Variants in MDGA2 observed in about 807,000 individuals in gnomAD.
The protein encoded by MDGA2 is MAM domain containing glycosylphosphatidylinositol anchor 2, also known as MAM domain-containing glycosylphosphatidylinositol anchor protein 2.
In MDGA2, 40 loss-of-function variants were observed where a neutral mutation model predicts 117.8. The observed-to-expected ratio is 0.34, with a 90% CI of 0.26 to 0.44. The LOEUF (loss-of-function observed/expected upper bound fraction) is 0.44, where lower values mean the gene tolerates loss of function less well. Among genes scored for constraint, MDGA2 ranks in the 20% least tolerant of loss-of-function variants. The pLI is 1.00. For missense variants in MDGA2, 1,123 were observed against 1,250.6 expected (o/e 0.90, Z 1.54); for synonymous variants, 452 against 439.0 (o/e 1.03, Z -0.37).
At chr14:47,020,813 T>C (rs1316838079) in intron 8 of MDGA2, among the ~76,000 whole-genome samples, 2 of 152,122 alleles carry the variant, frequency 1.3e-5, no homozygotes, top group Non-Finnish European at 1.5e-5. Context: ...ACAAATTAGT[T>C]TTTCTCACTC....
chr14:47,672,810 G>A (rs1009456454), intron 1 of MDGA2, among the ~76,000 whole-genome samples: 2 of 152,090 alleles, frequency 1.3e-5, no homozygotes, highest in Non-Finnish European at 2.9e-5. Context: ...TAGAATCCCC[G>A]TTTTTCTCAG....
intron 6 of MDGA2, among the ~76,000 whole-genome samples, chr14:47,093,585 CTGCAATTTCT>C (rs1343250764): frequency 2.0e-5 from 3 of 152,054 alleles, no homozygotes; most frequent in African/African-American, 7.2e-5. Context: ...AGCTCAGACA[CTGCAATTTCT>C]TAAAAAACTA....
chr14:47,597,099 T>A (rs896942046), intron 1 of MDGA2, among the ~76,000 whole-genome samples: 2 of 152,118 alleles, frequency 1.3e-5, no homozygotes, highest in African/African-American at 2.4e-5. Flanking sequence ...GTTTCTGTGA[T>A]AGAGGGGTAT....
At chr14:47,399,282 G>A (rs921075999) in intron 1 of MDGA2, among the ~76,000 whole-genome samples, 2 of 152,062 alleles carry the variant, frequency 1.3e-5, no homozygotes, top group African/African-American at 4.8e-5. Flanking sequence ...ACGAGGAAGG[G>A]GTCTGACATT....
At chr14:47,074,831 G>T (rs1890432416) in intron 6 of MDGA2, among the ~76,000 whole-genome samples, 1 of 152,128 alleles carries the variant, frequency 6.6e-6, no homozygotes, top group South Asian at 2.1e-4. Context: ...TCTCAGCACA[G>T]GTCCCACTTT....
chr14:47,361,271 G>C (rs1891119465), intron 1 of MDGA2, among the ~76,000 whole-genome samples: 1 of 150,040 alleles, frequency 6.7e-6, no homozygotes, highest in East Asian at 2.0e-4. Flanking sequence ...CAGAGTGCTT[G>C]TGTGCGCAGA....
intron 14 of MDGA2, among the ~76,000 whole-genome samples, chr14:46,867,966 T>C (rs578080684): frequency 6.6e-6 from 1 of 152,024 alleles, no homozygotes; most frequent in African/African-American, 2.4e-5. Flanking sequence ...TTAATGAAAC[T>C]ACCTTCTATT....
At chr14:47,225,139 A>G (rs562208690) in intron 2 of MDGA2, among the ~76,000 whole-genome samples, 429 of 152,134 alleles carry the variant, frequency 2.8e-3, no homozygotes, top group Non-Finnish European at 4.2e-3. Context: ...TTAGAATGGC[A>G]ATCATTAAAA....
At chr14:47,017,540 G>A (rs972821427) in intron 8 of MDGA2, among the ~76,000 whole-genome samples, 1 of 151,714 alleles carries the variant, frequency 6.6e-6, no homozygotes, top group African/African-American at 2.4e-5. Context: ...AACCAACCCT[G>A]AAATCAGAGC....
At chr14:47,120,941 G>GC (rs1267326168) in intron 5 of MDGA2, among the ~76,000 whole-genome samples, 6 of 152,092 alleles carry the variant, frequency 3.9e-5, no homozygotes, top group African/African-American at 1.4e-4. Context: ...ATTAACAGTG[G>GC]CCCCAAGGCT....
At chr14:47,090,788 T>A (rs1879606540) in intron 6 of MDGA2, among the ~76,000 whole-genome samples, 1 of 152,014 alleles carries the variant, frequency 6.6e-6, no homozygotes, top group African/African-American at 2.4e-5. Flanking sequence ...TGAGAAGAAA[T>A]CATGTAAAGA....
At chr14:47,568,751 T>G (rs1022472687) in intron 1 of MDGA2, among the ~76,000 whole-genome samples, 3 of 152,178 alleles carry the variant, frequency 2.0e-5, no homozygotes, top group Non-Finnish European at 4.4e-5. Flanking sequence ...GTTGCTGGGG[T>G]CAGAATATTT....
intron 3 of MDGA2, among the ~76,000 whole-genome samples, chr14:47,216,839 G>A (rs1886107108): frequency 6.6e-6 from 1 of 152,080 alleles, no homozygotes; most frequent in Non-Finnish European, 1.5e-5. Context: ...GTATACAGGT[G>A]TGGTCAACCT....
chr14:47,174,433 A>C (rs1884337647), intron 3 of MDGA2, among the ~76,000 whole-genome samples: 1 of 152,166 alleles, frequency 6.6e-6, no homozygotes, highest in Non-Finnish European at 1.5e-5. Flanking sequence ...AAGAACAGAA[A>C]TTATAACAAA....
chr14:47,530,942 G>A (rs565510334), intron 1 of MDGA2, among the ~76,000 whole-genome samples: 1 of 152,196 alleles, frequency 6.6e-6, no homozygotes, highest in Admixed American at 6.5e-5. Flanking sequence ...TTAGACTAAA[G>A]TTAATTTTCC....
chr14:47,594,125 A>G (rs1896493261), intron 1 of MDGA2, among the ~76,000 whole-genome samples: 1 of 152,312 alleles, frequency 6.6e-6, no homozygotes, highest in East Asian at 1.9e-4. Context: ...TAGATTCAGC[A>G]TAGAGTGAAG....
chr14:47,096,526 A>G (rs1039367766), intron 6 of MDGA2, among the ~76,000 whole-genome samples: 1 of 151,926 alleles, frequency 6.6e-6, no homozygotes, highest in Admixed American at 6.6e-5. Flanking sequence ...CAATCAGTGT[A>G]TATTTTACAC....
In MDGA2 at chr14:47,218,173, C is replaced by A. The variant is rs769912415; in HGVS notation, c.443G>T (p.Gly148Val). Residue 148 changes from glycine to valine, a missense_variant, in exon 3 of 17, where the codon GGA (glycine) becomes GTA (valine). Coordinates refer to ENST00000399232, the MANE Select transcript of MDGA2 (RefSeq NM_001113498.3). ...GTCTTGGAATCTGTCAGAGGCACTTCCTGCTGTTTTGGTCCACCTGATCTG... is the reference window on the plus strand; with the variant it reads ...GTCTTGGAATCTGTCAGAGGCACTTACTGCTGTTTTGGTCCACCTGATCTG... ...RPQIRWTKTA[G>V]SASDRFQDSS... is the part of the protein sequence containing the mutation. 1 of 1,548,652 alleles carries A rather than the reference C, an allele frequency of 6.5e-7. No homozygotes were observed. The highest frequency in any genetic ancestry group is 1.2e-5 in the South Asian group (1 of 83,752).
At chr14:46,929,610 T>C (rs1884469660) in intron 9 of MDGA2, among the ~76,000 whole-genome samples, 5 of 15,546 alleles carry the variant, frequency 3.2e-4, no homozygotes, top group African/African-American at 9.3e-4. Context: ...TGTATATATA[T>C]ATATATATAT....
Sources: allele counts gnomAD v4.1 joint callset (sites outside exome capture counted in the v4.1 genomes callset), GRCh38; gene constraint gnomAD v4.1.1; transcripts MANE v1.5; gene names NCBI Gene and HGNC (gene_info 2026-07-23, HGNC 2026-07-21).